MGAT4C: variants seen among roughly 807,000 people sequenced by gnomAD.
The protein encoded by MGAT4C is MGAT4 family member C.
MGAT4C carries 19 observed loss-of-function variants against 40.1 expected under a neutral mutation model. The observed-to-expected ratio is 0.47, with a 90% confidence interval of 0.33 to 0.70. The LOEUF (loss-of-function observed/expected upper bound fraction) is 0.70. Ranked by LOEUF, MGAT4C falls within the 30% of genes least tolerant of loss-of-function variation. MGAT4C has a pLI of 0.02. For missense variants in MGAT4C, 491 were observed against 563.2 expected, an observed-to-expected ratio of 0.87 and a Z score of 1.30; for synonymous variants, 181 against 187.1, an observed-to-expected ratio of 0.97 and a Z score of 0.27.
At chr12:86,446,678 T>TATATATATAC (rs1957343350) in intron 2 of MGAT4C, among the ~76,000 whole-genome samples, 1 of 118,712 alleles carries the variant, frequency 8.4e-6, no homozygotes, top group Non-Finnish European at 1.8e-5. Flanking sequence ...TATATATATA[T>TATATATATAC]ATATATATAT....
intron 2 of MGAT4C, among the ~76,000 whole-genome samples, chr12:86,693,331 T>C (rs965390994): frequency 2.6e-5 from 4 of 152,228 alleles, no homozygotes; most frequent in Non-Finnish European, 4.4e-5. Context: ...TTCTCTTGGT[T>C]ATTTTTTCTC....
At chr12:86,214,289 A>G (rs1350953439) in intron 1 of MGAT4C, among the ~76,000 whole-genome samples, 1 of 151,092 alleles carries the variant, frequency 6.6e-6, no homozygotes, top group African/African-American at 2.4e-5. Flanking sequence ...CATCAGAGAT[A>G]CTTTCCCCTA....
chr12:86,383,901 T>A (rs1956002536), intron 3 of MGAT4C, among the ~76,000 whole-genome samples: 1 of 152,146 alleles, frequency 6.6e-6, no homozygotes, highest in African/African-American at 2.4e-5. Flanking sequence ...AGAATGATAT[T>A]GTTTGGCTGT....
intron 1 of MGAT4C, among the ~76,000 whole-genome samples, chr12:86,831,083 C>G (rs1952917610): frequency 6.6e-6 from 1 of 151,730 alleles, no homozygotes; most frequent in Non-Finnish European, 1.5e-5. Flanking sequence ...CAGCCCACCC[C>G]CTGCCGACCC....
chr12:86,234,818 G>A (rs1951463604), intron 1 of MGAT4C, among the ~76,000 whole-genome samples: 1 of 151,866 alleles, frequency 6.6e-6, no homozygotes, highest in Non-Finnish European at 1.5e-5. Flanking sequence ...CCTCCTTTTT[G>A]CTAAAACCAA....
intron 2 of MGAT4C, among the ~76,000 whole-genome samples, chr12:86,568,365 C>T (rs1960220133): frequency 6.6e-6 from 1 of 152,004 alleles, no homozygotes; most frequent in South Asian, 2.1e-4. Context: ...TCCCCTTATG[C>T]ACTCTTGGAC....
intron 1 of MGAT4C, among the ~76,000 whole-genome samples, chr12:86,812,302 CAGTT>C (rs1342053146): frequency 6.6e-6 from 1 of 151,952 alleles, no homozygotes; most frequent in Non-Finnish European, 1.5e-5. Context: ...CTATAAATGT[CAGTT>C]AGATCCTACT....
rs76451510 is a variant in MGAT4C, at chr12:86,696,215, A to G, written c.-229+30994T>C. Among the ~76,000 whole-genome samples, 44 of 141,528 alleles carry G rather than the reference A, an allele frequency of 3.1e-4. 1 individual carries two copies. Among genetic ancestry groups the G allele is most frequent in the African/African-American group, 1.3e-3 (43 of 34,098 alleles). The allele number at this position is 141,528 out of a possible 152,430, so 92.8% of individuals were successfully genotyped here. On this transcript the variant is annotated intron_variant, in intron 2 of 7. Transcript: ENST00000548651. ...AGCCTGGCAACAGAGTGAGACTCAG[A>G]AAAAAAAAAAGTATAATTGGATTGT...
intron 2 of MGAT4C, among the ~76,000 whole-genome samples, chr12:86,007,229 T>C (rs1374820259): frequency 4.6e-5 from 7 of 152,134 alleles, no homozygotes. Flanking sequence ...CTGCAATATT[T>C]TGGGCAGCAC....
At chr12:86,103,734 A>G (rs138313171) in intron 1 of MGAT4C, among the ~76,000 whole-genome samples, 8 of 152,186 alleles carry the variant, frequency 5.3e-5, no homozygotes, top group African/African-American at 1.7e-4. Context: ...AGGACATCTG[A>G]CCCAAGCTAT....
chr12:86,695,487 G>A (rs1950239682), intron 2 of MGAT4C, among the ~76,000 whole-genome samples: 1 of 152,156 alleles, frequency 6.6e-6, no homozygotes, highest in South Asian at 2.1e-4. Context: ...TTGTTGCACT[G>A]TTCACAATAG....
chr12:86,030,569 T>A (rs139229931), intron 2 of MGAT4C, among the ~76,000 whole-genome samples: 7 of 151,824 alleles, frequency 4.6e-5, no homozygotes, highest in African/African-American at 1.7e-4. Flanking sequence ...AAACATTGGA[T>A]TGGGACTTTT....
At chr12:86,582,985 G>C (rs1417013930) in intron 2 of MGAT4C, among the ~76,000 whole-genome samples, 1 of 151,252 alleles carries the variant, frequency 6.6e-6, no homozygotes, top group Non-Finnish European at 1.5e-5. Context: ...ACACAGATAA[G>C]AAAATGGCAC....
intron 1 of MGAT4C, among the ~76,000 whole-genome samples, chr12:86,803,978 G>A (rs1459378767): frequency 2.1e-4 from 28 of 131,014 alleles, no homozygotes; most frequent in African/African-American, 7.8e-4. Context: ...TATGTTTATT[G>A]CGGCATTATT....
intron 1 of MGAT4C, among the ~76,000 whole-genome samples, chr12:86,108,520 T>C (rs1027739857): frequency 6.6e-6 from 1 of 152,144 alleles, no homozygotes; most frequent in Non-Finnish European, 1.5e-5. Flanking sequence ...ATTGACCCTC[T>C]GTTCTGCCAG....
intron 2 of MGAT4C, among the ~76,000 whole-genome samples, chr12:86,597,154 T>C (rs969754678): frequency 6.6e-6 from 1 of 152,226 alleles, no homozygotes; most frequent in African/African-American, 2.4e-5. Flanking sequence ...AATATATTCA[T>C]GCTACATGCC....
intron 1 of MGAT4C, among the ~76,000 whole-genome samples, chr12:86,064,371 C>T (rs1047201905): frequency 7.2e-5 from 11 of 152,034 alleles, no homozygotes; most frequent in African/African-American, 2.2e-4. Context: ...CAGAGCGAGA[C>T]TACGTCTCAA....
chr12:86,479,112 T>A lies in MGAT4C; in HGVS notation c.-228-43847A>T, dbSNP rs75186088. 3.3e-3 allele frequency among the ~76,000 whole-genome samples: 499 copies of A among 152,138 alleles called. 2 individuals are homozygous for A. The highest frequency in any genetic ancestry group is 0.012 in the African/African-American group (482 of 41,544). Reference sequence around the variant, plus strand: ...TTAAAAAATCAAATTCTATAGACTTTCTAAACTATGAAAAATTTACATTTG... The same window carrying A: ...TTAAAAAATCAAATTCTATAGACTTACTAAACTATGAAAAATTTACATTTG... On this transcript the variant is annotated intron_variant, in intron 2 of 7. Transcript: ENST00000548651.
chr12:86,101,344 G>A (rs1209766012), intron 1 of MGAT4C, among the ~76,000 whole-genome samples: 1 of 151,682 alleles, frequency 6.6e-6, no homozygotes, highest in Non-Finnish European at 1.5e-5. Context: ...GTCTATTAGT[G>A]GAGTTCAAAA....
Sources: gnomAD v4.1 joint callset for allele counts (sites outside exome capture counted in the v4.1 genomes callset) on GRCh38, gnomAD v4.1.1 for gene constraint, MANE v1.5 for transcripts, NCBI Gene and HGNC (gene_info 2026-07-23, HGNC 2026-07-21) for gene names.